Variants in CNOT1 observed in about 807,000 individuals in gnomAD.
The protein encoded by CNOT1 is CCR4-NOT transcription complex subunit 1.
A neutral mutation model predicts 273.8 loss-of-function variants in CNOT1; 15 were observed. The ratio of observed to expected loss-of-function variants is 0.05; its 90% CI spans 0.04 to 0.08. The LOEUF is 0.08. Among genes scored for constraint, CNOT1 ranks in the 10% least tolerant of loss-of-function variants. The pLI, the probability that CNOT1 is intolerant of heterozygous loss-of-function variation, is 1.00. For synonymous variants in CNOT1, 1,022 were observed against 1,005.5 expected (o/e 1.02, Z -0.31); for missense variants, 1,644 against 2,912.2 (o/e 0.56, Z 10.02).
At chr16:58,598,832 C>T (rs905893742) in intron 2 of CNOT1, among the ~76,000 whole-genome samples, 2 of 151,934 alleles carry the variant, frequency 1.3e-5, no homozygotes, top group African/African-American at 2.4e-5. Context: ...GAGGCCAAGG[C>T]GGATCACTTG....
chr16:58,558,333 C>T (rs1022858022), intron 18 of CNOT1, 140 bp downstream of exon 18: 2 of 1,414,118 alleles, frequency 1.4e-6, no homozygotes, highest in Non-Finnish European at 1.9e-6. Context: ...CTTTTCCCAA[C>T]TTTGGATACT....
At position 58,586,861 on chromosome 16, in the gene CNOT1, T is replaced by A. The variant is rs1002450877; in HGVS notation, c.434-113A>T. 97 of 1,213,282 alleles carry A rather than the reference T, an allele frequency of 8.0e-5. No homozygotes were observed. In the Middle Eastern group the frequency reaches 8.4e-4, roughly 10 times the overall value. The allele number at this position is 1,213,282 out of a possible 1,614,324, so 75.2% of individuals were successfully genotyped here. A position where few individuals can be genotyped will look rare whatever the true frequency, so the allele number is the denominator to read the frequency against. ...CCCTTCTCATTCACCAGTTCACCCA[T>A]CTCTCTAATGCTTTCTCTAGCTGAC... On this transcript the variant is annotated intron_variant, in intron 6 of 48. Coordinates refer to ENST00000317147, the MANE Select transcript of CNOT1 (RefSeq NM_016284.5).
rs113581999 is a variant in CNOT1, at chr16:58,602,513, A to G, written c.-174-3002T>C. On this transcript the variant is annotated intron_variant, in intron 1 of 48. Transcript: ENST00000317147. ...GGTTGCAGTGAGCCAAGATCACACC[A>G]CTGCACTCTGGCCTGGGCAACAGAG... Among the ~76,000 whole-genome samples the G allele has an allele frequency of 2.7e-3, 356 of 130,998 alleles. 1 individual carries two copies. The highest frequency in any genetic ancestry group is 9.9e-3 in the African/African-American group (333 of 33,658). The allele number at this position is 130,998 out of a possible 152,430, so 85.9% of individuals were successfully genotyped here. A position where few individuals can be genotyped will look rare whatever the true frequency, so the allele number is the denominator to read the frequency against.
intron 10 of CNOT1, among the ~76,000 whole-genome samples, chr16:58,581,796 G>A (rs2041667103): frequency 6.6e-6 from 1 of 151,928 alleles, no homozygotes; most frequent in Non-Finnish European, 1.5e-5. Context: ...CAAGTATCTG[G>A]GATTACAGAA....
chr16:58,620,547 G>A (rs1401302116), intron 1 of CNOT1, among the ~76,000 whole-genome samples: 2 of 151,058 alleles, frequency 1.3e-5, no homozygotes, highest in Non-Finnish European at 1.5e-5. Flanking sequence ...GCGGGGATAA[G>A]GCAGGAGAAT....
intron 16 of CNOT1, among the ~76,000 whole-genome samples, chr16:58,573,039 G>T (rs2041333651): frequency 6.6e-6 from 1 of 151,894 alleles, no homozygotes; most frequent in Non-Finnish European, 1.5e-5. Context: ...AGGCGTAGTG[G>T]TTCACACATG....
intron 7 of CNOT1, among the ~76,000 whole-genome samples, chr16:58,586,177 G>A (rs1020954927): frequency 3.0e-5 from 4 of 131,792 alleles, no homozygotes; most frequent in East Asian, 4.4e-4. Context: ...TTCCCAAAGT[G>A]CTGGGATTAT....
chr16:58,601,888 T>C (rs1181595141), intron 1 of CNOT1, among the ~76,000 whole-genome samples: 6 of 146,988 alleles, frequency 4.1e-5, no homozygotes, highest in Non-Finnish European at 3.0e-5. Flanking sequence ...AAAAAAAAAG[T>C]AAAATATTTT....
In CNOT1 at chr16:58,583,169, G is replaced by A. The variant is rs1351476758; in HGVS notation, c.820C>T (p.Arg274Cys). ...ACACCAAACTGCACGATTATATTGC[G>A]ACATTCTTCAATACTGAAACAGAAA... ...YGFCASIEECRNIIVQFGVRE... is the reference protein window; with the variant it reads ...YGFCASIEECCNIIVQFGVRE... The change falls in exon 9 of 49, where the codon CGC (arginine) becomes TGC (cysteine). Residue 274 changes from arginine (R) to cysteine (C), a missense_variant. By Grantham distance (180) the Arg-to-Cys change is radical. Coordinates refer to ENST00000317147, the MANE Select transcript of CNOT1 (RefSeq NM_016284.5). The A allele has an allele frequency of 6.2e-7, 1 of 1,613,596 alleles. No individual in the cohort carries two copies. The highest frequency in any genetic ancestry group is 1.1e-5 in the South Asian group (1 of 91,030).
intron 1 of CNOT1, among the ~76,000 whole-genome samples, chr16:58,612,856 T>A (rs2042947072): frequency 6.6e-6 from 1 of 152,198 alleles, no homozygotes; most frequent in Non-Finnish European, 1.5e-5. Context: ...ATAACTATTG[T>A]GTACATAATA....
chr16:58,603,408 A>AGTGT (rs200088613), intron 1 of CNOT1, among the ~76,000 whole-genome samples: 1,098 of 96,612 alleles, frequency 0.011, 12 homozygotes, highest in South Asian at 0.014. Flanking sequence ...ACAATTTAAA[A>AGTGT]GTGTGTGTGT....
At chr16:58,585,859 T>C (rs1208614690) in intron 7 of CNOT1, among the ~76,000 whole-genome samples, 1 of 152,184 alleles carries the variant, frequency 6.6e-6, no homozygotes, top group African/African-American at 2.4e-5. Flanking sequence ...AGTCTATTTA[T>C]TTCACTGGCA....
At chr16:58,530,153 G>T in intron 43 of CNOT1, 93 bp downstream of exon 43, 1 of 971,686 alleles carries the variant, frequency 1.0e-6, no homozygotes, top group South Asian at 1.7e-5. Context: ...TGCCTCAAAG[G>T]CTTAATAAAA....
chr16:58,581,653 A>ATTCTTT (rs2041659817), intron 10 of CNOT1, 138 bp from the exon 11 acceptor site: 1 of 1,357,948 alleles, frequency 7.4e-7, no homozygotes, highest in African/African-American at 1.5e-5. Context: ...TAAGAAACCC[A>ATTCTTT]TTCTTTTTTT....
intron 4 of CNOT1, 41 bp downstream of exon 4, chr16:58,587,739 T>G (rs771265448): frequency 6.3e-7 from 1 of 1,598,454 alleles, no homozygotes; most frequent in Non-Finnish European, 8.5e-7. Flanking sequence ...TTAGAAAGCC[T>G]AAGGAGAGAT....
At chr16:58,619,549 T>G (rs1357560649) in intron 1 of CNOT1, among the ~76,000 whole-genome samples, 1 of 151,966 alleles carries the variant, frequency 6.6e-6, no homozygotes, top group Non-Finnish European at 1.5e-5. Flanking sequence ...TGCCTCAGCC[T>G]CCCAAGTAGC....
At chr16:58,572,684 G>A (rs1405215965) in intron 16 of CNOT1, among the ~76,000 whole-genome samples, 1 of 152,028 alleles carries the variant, frequency 6.6e-6, no homozygotes, top group African/African-American at 2.4e-5. Context: ...AAGGCAGGCA[G>A]ATCACTTGAG....
chr16:58,555,606 C>T (rs777469123), intron 20 of CNOT1, 69 bp from the exon 21 acceptor site: 64 of 1,558,050 alleles, frequency 4.1e-5, no homozygotes, highest in Non-Finnish European at 5.0e-5. Context: ...CTCAAATATG[C>T]TTAACAAAAG....
chr16:58,619,413 A>G (rs960734585), intron 1 of CNOT1, among the ~76,000 whole-genome samples: 1 of 151,696 alleles, frequency 6.6e-6, no homozygotes, highest in African/African-American at 2.4e-5. Flanking sequence ...TGGTCACACT[A>G]GAGTTTTGCA....
Sources: gnomAD v4.1 joint callset for allele counts (sites outside exome capture counted in the v4.1 genomes callset) on GRCh38, gnomAD v4.1.1 for gene constraint, MANE v1.5 for transcripts, NCBI Gene and HGNC (gene_info 2026-07-23, HGNC 2026-07-21) for gene names.